RIMBP2: variants seen among roughly 807,000 people sequenced by gnomAD.
RIMBP2 encodes the protein RIMS binding protein 2.
Under a neutral mutation model 118.6 loss-of-function variants are expected in RIMBP2, and 48 were observed. That is an observed-to-expected ratio of 0.40 (90% CI 0.32 to 0.51). RIMBP2 has a LOEUF of 0.51. Among genes scored for constraint, RIMBP2 ranks in the 20% least tolerant of loss-of-function variants. The probability of loss-of-function intolerance (pLI) is 0.41; values close to 1 mark genes in which losing one functional copy is unlikely to be tolerated. For synonymous variants in RIMBP2, 762 were observed against 742.9 expected (o/e 1.03, Z -0.42); for missense variants, 1,551 against 1,768.3 (o/e 0.88, Z 2.20).
chr12:130,515,251 G>A (rs1380403422), intron 3 of RIMBP2, among the ~76,000 whole-genome samples: 2 of 152,122 alleles, frequency 1.3e-5, no homozygotes, highest in East Asian at 1.9e-4. Context: ...TATTTTACAT[G>A]TAGGTATTTC....
intron 1 of RIMBP2, among the ~76,000 whole-genome samples, chr12:130,656,973 C>T (rs1248945626): frequency 1.3e-5 from 2 of 152,234 alleles, no homozygotes; most frequent in African/African-American, 4.8e-5. Flanking sequence ...TCATAGCTCA[C>T]TGCATTGAAC....
intron 2 of RIMBP2, among the ~76,000 whole-genome samples, chr12:130,615,167 A>T (rs1237431855): frequency 1.4e-5 from 2 of 146,970 alleles, no homozygotes; most frequent in Non-Finnish European, 3.0e-5. Context: ...TATATTGTAT[A>T]TTATATAATA....
chr12:130,705,640 C>T (rs900353995), intron 1 of RIMBP2, among the ~76,000 whole-genome samples: 1 of 152,250 alleles, frequency 6.6e-6, no homozygotes, highest in Non-Finnish European at 1.5e-5. Flanking sequence ...TGCTGCACAC[C>T]GCTTTCCTGC....
intron 2 of RIMBP2, among the ~76,000 whole-genome samples, chr12:130,626,391 A>G (rs1345491636): frequency 6.8e-6 from 1 of 146,680 alleles, no homozygotes; most frequent in African/African-American, 2.7e-5. Flanking sequence ...CTTCTCCATC[A>G]CGACTACCGC....
At chr12:130,712,084 GC>G (rs1382966849) in intron 1 of RIMBP2, among the ~76,000 whole-genome samples, 1 of 152,254 alleles carries the variant, frequency 6.6e-6, no homozygotes, top group East Asian at 1.9e-4. Context: ...AATGGAGCTT[GC>G]GGGACTGGAA....
rs185168357 is a variant in RIMBP2, at chr12:130,596,755, C to T, written c.-217+31567G>A. Among the ~76,000 whole-genome samples the T allele has an allele frequency of 1.2e-3, 190 of 152,282 alleles. 1 individual carries two copies. The highest frequency in any genetic ancestry group is 4.2e-3 in the African/African-American group (176 of 41,566). On this transcript the variant is annotated intron_variant, in intron 2 of 22. Coordinates refer to ENST00000690449, the MANE Select transcript of RIMBP2 (RefSeq NM_001393629.1). Reference sequence around the variant, plus strand: ...CTGATATTCCTGTGCCATTGGGAAACGCCATCCAATCACTCTGCTCTCTTC... The same window carrying T: ...CTGATATTCCTGTGCCATTGGGAAATGCCATCCAATCACTCTGCTCTCTTC...
chr12:130,615,780 C>T (rs1343869725), intron 2 of RIMBP2, among the ~76,000 whole-genome samples: 1 of 152,092 alleles, frequency 6.6e-6, no homozygotes, highest in Non-Finnish European at 1.5e-5. Flanking sequence ...ATTAAGAAAA[C>T]CAATGCCCAC....
intron 1 of RIMBP2, among the ~76,000 whole-genome samples, chr12:130,629,867 T>TACCAAGGAGTACA (rs55835117): frequency 0.9 from 136,304 of 151,000 alleles, 61,858 homozygotes; most frequent in Middle Eastern, 0.97. Context: ...AGTCTTGGAG[T>TACCAAGGAGTACA]ACCAAGGAGT....
chr12:130,478,722 T>C (rs1412872633), intron 5 of RIMBP2, among the ~76,000 whole-genome samples, 190 bp downstream of exon 5: 6 of 152,212 alleles, frequency 3.9e-5, no homozygotes, highest in Admixed American at 1.3e-4. Flanking sequence ...TTATAAAACA[T>C]GAACACAGGT....
intron 19 of RIMBP2, 91 bp downstream of exon 19, chr12:130,412,528 G>T: frequency 1.7e-6 from 2 of 1,158,202 alleles, no homozygotes; most frequent in Non-Finnish European, 2.5e-6. Flanking sequence ...GATGCAATTT[G>T]GGGTCTCCTC....
intron 2 of RIMBP2, among the ~76,000 whole-genome samples, chr12:130,550,219 T>C (rs1455798315): frequency 1.3e-5 from 2 of 152,204 alleles, no homozygotes; most frequent in East Asian, 1.9e-4. Context: ...CTGTGGCTTT[T>C]GTATGCTGCT....
chr12:130,442,767 G>T lies in RIMBP2; in HGVS notation c.692-107C>A. On this transcript the variant is annotated intron_variant, in intron 10 of 22. Transcript: ENST00000690449. This position sits in a 1 kb window ranked among gnomAD's most constrained non-coding sequence, Gnocchi z 6.9. ...CCAGGACCATAAGGCAGAGCAACAG[G>T]GTTGCCCTGGGGCTCCTCCGCTGTT... 2 of 934,112 alleles carry T rather than the reference G, an allele frequency of 2.1e-6. No individual in the cohort carries two copies. Among genetic ancestry groups the T allele is most frequent in the South Asian group, 1.7e-5 (1 of 58,580 alleles). 57.9% of individuals were successfully genotyped at this position (934,112 alleles called of 1,614,324 possible).
At chr12:130,556,038 G>A (rs992409591) in intron 2 of RIMBP2, among the ~76,000 whole-genome samples, 1 of 152,222 alleles carries the variant, frequency 6.6e-6, no homozygotes, top group Non-Finnish European at 1.5e-5. Context: ...GTACTTCGGG[G>A]AGGAGGAGAG....
chr12:130,694,384 A>T (rs2065475294), intron 1 of RIMBP2, among the ~76,000 whole-genome samples: 1 of 152,196 alleles, frequency 6.6e-6, no homozygotes. Context: ...CTGAAAGTGG[A>T]TATTCAACCA....
At chr12:130,572,924 G>T (rs1326662424) in intron 2 of RIMBP2, among the ~76,000 whole-genome samples, 2 of 152,122 alleles carry the variant, frequency 1.3e-5, no homozygotes, top group Admixed American at 6.5e-5. Context: ...CTGTGAGGAG[G>T]GACCCAGATT....
At position 130,438,344 on chromosome 12, in the gene RIMBP2, AC is replaced by A; in HGVS notation, c.1656+20del. ...CGTTAGGGCCTAACAAACCCTCCCCACCCACCCAACGAAAACTCACCCTCTG... is the reference window on the plus strand; with the variant it reads ...CGTTAGGGCCTAACAAACCCTCCCCACCACCCAACGAAAACTCACCCTCTG... On this transcript the variant is annotated intron_variant, in intron 12 of 22. Coordinates refer to ENST00000690449, the MANE Select transcript of RIMBP2 (RefSeq NM_001393629.1). 2 of 685,498 alleles carry A rather than the reference AC, an allele frequency of 2.9e-6. No homozygotes were observed. Among genetic ancestry groups the A allele is most frequent in the Non-Finnish European group, 4.5e-6 (2 of 441,868 alleles). The allele number at this position is 685,498 out of a possible 1,614,324, so 42.5% of individuals were successfully genotyped here. A position where few individuals can be genotyped will look rare whatever the true frequency, so the allele number is the denominator to read the frequency against.
intron 1 of RIMBP2, among the ~76,000 whole-genome samples, chr12:130,691,989 G>A (rs559239989): frequency 2.0e-5 from 3 of 152,258 alleles, no homozygotes; most frequent in South Asian, 4.2e-4. Flanking sequence ...TGCTGCGAGG[G>A]GTCTAAGGAA....
intron 6 of RIMBP2, chr12:130,465,645 G>T (rs1339193635): frequency 6.6e-6 from 1 of 151,828 alleles, no homozygotes; most frequent in Non-Finnish European, 1.5e-5. Flanking sequence ...GCAAAATGAG[G>T]TGACAGAGAA....
intron 6 of RIMBP2, among the ~76,000 whole-genome samples, chr12:130,461,116 C>T (rs1209749733): frequency 6.6e-6 from 1 of 152,166 alleles, no homozygotes; most frequent in African/African-American, 2.4e-5. Flanking sequence ...CTAGGGGTCA[C>T]ATTTCCACAT....
Sources: gnomAD v4.1 joint callset for allele counts (sites outside exome capture counted in the v4.1 genomes callset) on GRCh38, gnomAD v4.1.1 for gene constraint, Gnocchi (gnomAD v3.1) non-coding constraint, MANE v1.5 for transcripts, NCBI Gene and HGNC (gene_info 2026-07-23, HGNC 2026-07-21) for gene names.